The following SMCR8 variants were observed in gnomAD, a reference collection of about 807,000 sequenced individuals.
SMCR8 encodes SMCR8-C9orf72 complex subunit.
Under a neutral mutation model 56.6 loss-of-function variants are expected in SMCR8, and 30 were observed. The ratio of observed to expected loss-of-function variants is 0.53; its 90% CI spans 0.40 to 0.72. The LOEUF is 0.72. SMCR8 is among the 30% of genes least tolerant of loss of function. SMCR8 has a pLI of 0.00. For missense variants in SMCR8, 1,198 were observed against 1,157.0 expected (o/e 1.04, Z -0.51); for synonymous variants, 538 against 456.0 (o/e 1.18, Z -2.29).
chr17:18,317,595 C>T lies in SMCR8; in HGVS notation c.1806C>T (p.Ala602=). The change falls in exon 1 of 2, where the codon GCC becomes GCT. Residue 602 remains alanine (A), a synonymous_variant. Transcript: ENST00000406438. ...AGTTGGTGCTGCCCTCCACTCCAGC[C>T]CACACACACTCTGACGAGGATGGGG... is the stretch of plus-strand genomic sequence containing the variant. ...DGQLVLPSTP[A]HTHSDEDGVV... The T allele has an allele frequency of 1.9e-6, 3 of 1,614,156 alleles. No individual in the cohort carries two copies. The highest frequency in any genetic ancestry group is 1.1e-5 in the South Asian group (1 of 91,082).
Position 18,327,053 on chromosome 17 carries a change from A to G in SMCR8, c.*3983A>G, listed in dbSNP as rs1307771096. The G allele has an allele frequency of 6.6e-6, 1 of 152,526 alleles. No homozygotes were observed. The highest frequency in any genetic ancestry group is 1.5e-5 in the Non-Finnish European group (1 of 68,046). The allele number at this position is 152,526 out of a possible 1,614,324, so 9.4% of individuals were successfully genotyped here. A position where few individuals can be genotyped will look rare whatever the true frequency, so the allele number is the denominator to read the frequency against. On this transcript the variant is annotated 3_prime_UTR_variant, in exon 2 of 2. Coordinates refer to ENST00000406438, the MANE Select transcript of SMCR8 (RefSeq NM_144775.3). The stretch of plus-strand genomic sequence containing the variant: ...CCCCAAAACTGTGATGGAACATAAT[A>G]AAACTGGAGATATGGTTTTTAACAC...
At chr17:18,318,497 G>A (rs112192098) in intron 1 of SMCR8, among the ~76,000 whole-genome samples, 16,573 of 152,118 alleles carry the variant, frequency 0.11, 1,007 homozygotes, top group South Asian at 0.18. Context: ...TCCGCCTCCC[G>A]GGTTCAAGCA....
chr17:18,320,857 A>C (rs1427140100), intron 1 of SMCR8, among the ~76,000 whole-genome samples: 2 of 152,144 alleles, frequency 1.3e-5, no homozygotes, highest in African/African-American at 4.8e-5. Context: ...CAGTCCCTAG[A>C]GCCCACGCTG....
At chr17:18,322,528 C>A in intron 1 of SMCR8, 89 bp from the exon 2 acceptor site, 3 of 1,202,232 alleles carry the variant, frequency 2.5e-6, no homozygotes, top group Admixed American at 1.9e-5. Context: ...TGGATGCTGG[C>A]CTGGGGACAG....
In SMCR8 at chr17:18,317,919, C is replaced by G. The variant is rs1343684964; in HGVS notation, c.2130C>G (p.Ala710=). 6.2e-7 allele frequency: 1 copy of G among 1,614,236 alleles called. No individual in the cohort carries two copies. The highest frequency in any genetic ancestry group is 8.5e-7 in the Non-Finnish European group (1 of 1,180,052). The part of the protein sequence containing the change: ...DRHKKRAGQN[A]LKFIRQYPFA... ...ATAAAAAGAGGGCTGGCCAGAACGC[C>G]TTAAAATTCATCCGCCAGTACCCCT... The change falls in exon 1 of 2, where the codon GCC becomes GCG. Residue 710 remains alanine, a synonymous_variant. Coordinates refer to ENST00000406438, the MANE Select transcript of SMCR8 (RefSeq NM_144775.3).
At chr17:18,318,808 G>A (rs910877313) in intron 1 of SMCR8, among the ~76,000 whole-genome samples, 2 of 152,208 alleles carry the variant, frequency 1.3e-5, no homozygotes, top group Admixed American at 6.5e-5. Context: ...TTGCCAGCCC[G>A]ACTGCAGGGA....
rs190194223 is a variant in SMCR8, at chr17:18,320,356, A to C, written c.2360+2207A>C. On this transcript the variant is annotated intron_variant, in intron 1 of 1. Coordinates refer to ENST00000406438, the MANE Select transcript of SMCR8 (RefSeq NM_144775.3). ...TGAGGAGGAGCTTTATGGAAACAGA[A>C]GTGGAGGAACAGTTAGAATAGCCAG... 1.2e-3 allele frequency among the ~76,000 whole-genome samples: 185 copies of C among 152,332 alleles called. 1 individual carries two copies. The highest frequency in any genetic ancestry group is 4.3e-3 in the African/African-American group (179 of 41,564).
Position 18,317,696 on chromosome 17 carries a change from A to T in SMCR8, c.1907A>T (p.Asn636Ile), listed in dbSNP as rs12449313. 6.2e-7 allele frequency: 1 copy of T among 1,613,830 alleles called. No homozygotes were observed. The highest frequency in any genetic ancestry group is 8.5e-7 in the Non-Finnish European group (1 of 1,179,950). Residue 636 changes from asparagine (N) to isoleucine (I), a missense_variant, in exon 1 of 2, where the codon AAC (asparagine) becomes ATC (isoleucine). Transcript: ENST00000406438. ...FRVDFSVENA[N>I]PSSRDNSCEG... Reference sequence around the variant, plus strand: ...GTAGACTTTTCAGTGGAAAATGCCAACCCTTCTTCCCGAGACAACAGTTGT... The same window carrying T: ...GTAGACTTTTCAGTGGAAAATGCCATCCCTTCTTCCCGAGACAACAGTTGT...
chr17:18,316,631 C>T lies in SMCR8; in HGVS notation c.842C>T (p.Ala281Val), dbSNP rs985938288. 2.5e-6 allele frequency: 4 copies of T among 1,614,070 alleles called. No individual in the cohort carries two copies. The highest frequency in any genetic ancestry group is 2.7e-5 in the African/African-American group (2 of 74,894). Residue 281 changes from alanine (A) to valine (V), a missense_variant, in exon 1 of 2, where the codon GCA (alanine) becomes GTA (valine). Transcript: ENST00000406438. The stretch of plus-strand genomic sequence containing the variant: ...CACATCCAGGATCAGGCCAGCCAGG[C>T]ATCCACTACCTCTAACCCTGATGAG... ...MEHIQDQASQ[A>V]STTSNPDESA... is the part of the protein sequence containing the mutation.
rs748547369 is a variant in SMCR8, at chr17:18,317,329, G to A, written c.1540G>A (p.Glu514Lys). ...AGCAGTCAGCCACAGGACCATCAGCGAGGACAGTATTGAAGTCCTCAGTAC... is the reference window on the plus strand; with the variant it reads ...AGCAGTCAGCCACAGGACCATCAGCAAGGACAGTATTGAAGTCCTCAGTAC... ...SKAVSHRTIS[E>K]DSIEVLSTCP... The change falls in exon 1 of 2, where the codon GAG becomes AAG. Residue 514 changes from glutamate (E) to lysine (K), a missense_variant. Physicochemically the swap from Glu to Lys is moderately conservative, Grantham distance 56. Coordinates refer to ENST00000406438, the MANE Select transcript of SMCR8 (RefSeq NM_144775.3). 4.0e-5 allele frequency: 65 copies of A among 1,614,084 alleles called. No individual in the cohort carries two copies. In the Admixed American group the frequency reaches 4.2e-4, roughly 10 times the overall value.
rs1374284808 is a variant in SMCR8 at position 18,323,292 on chromosome 17, TC to T, written c.*225del. On this transcript the variant is annotated 3_prime_UTR_variant, in exon 2 of 2. Transcript: ENST00000406438. ...AGGGATGGTGACAGCTACATTTGGCTCCCTGGTGAAGAGTGGCCCCTGGATA... is the reference window on the plus strand; with the variant it reads ...AGGGATGGTGACAGCTACATTTGGCTCCTGGTGAAGAGTGGCCCCTGGATA... 3.7e-6 allele frequency: 2 copies of T among 539,434 alleles called. No homozygotes were observed. The highest frequency in any genetic ancestry group is 3.8e-5 in the African/African-American group (2 of 53,030). 33.4% of individuals were successfully genotyped at this position (539,434 alleles called of 1,614,324 possible).
In SMCR8 at chr17:18,322,924, C is replaced by G. The variant is rs774950013; in HGVS notation, c.2668C>G (p.Leu890Val). Reference protein sequence around the residue: ...VASRQMSFLKLTLGLVNEDVR... With the variant: ...VASRQMSFLKVTLGLVNEDVR... Reference sequence around the variant, plus strand: ...CAGCCGCCAGATGAGCTTCCTAAAGCTGACCCTGGGTCTGGTGAATGAGGA... The same window carrying G: ...CAGCCGCCAGATGAGCTTCCTAAAGGTGACCCTGGGTCTGGTGAATGAGGA... The change falls in exon 2 of 2, where the codon CTG becomes GTG. Residue 890 changes from leucine (L) to valine (V), a missense_variant. Transcript: ENST00000406438. 1 of 1,614,238 alleles carries G rather than the reference C, an allele frequency of 6.2e-7. No homozygotes were observed. The highest frequency in any genetic ancestry group is 1.7e-5 in the Admixed American group (1 of 60,024).
In SMCR8 at chr17:18,317,876, G is replaced by A. The variant is rs780785632; in HGVS notation, c.2087G>A (p.Gly696Asp). 6.2e-7 allele frequency: 1 copy of A among 1,614,166 alleles called. No individual in the cohort carries two copies. Among genetic ancestry groups the A allele is most frequent in the South Asian group, 1.1e-5 (1 of 91,084 alleles). ...AGGATCCCCTCTGCTTATCCTGCTG[G>A]CCTGTCTTCCGATAGGCATAAAAAG... Reference protein sequence around the residue: ...SDRIPSAYPAGLSSDRHKKRA... With the variant: ...SDRIPSAYPADLSSDRHKKRA... Residue 696 changes from glycine (G) to aspartate (D), a missense_variant, in exon 1 of 2, where the codon GGC becomes GAC. Gly to Asp is a moderately conservative substitution (Grantham distance 94). Transcript: ENST00000406438.
Position 18,323,179 on chromosome 17 carries a change from C to A in SMCR8, c.*109C>A. On this transcript the variant is annotated 3_prime_UTR_variant, in exon 2 of 2. Coordinates refer to ENST00000406438, the MANE Select transcript of SMCR8 (RefSeq NM_144775.3). Reference sequence around the variant, plus strand: ...GCTGGACTGTTTAAGTTTCTGGTGTCTGGCAGCATGGTTCCCACGTGGCTC... The same window carrying A: ...GCTGGACTGTTTAAGTTTCTGGTGTATGGCAGCATGGTTCCCACGTGGCTC... The A allele has an allele frequency of 2.0e-6, 2 of 977,256 alleles. No homozygotes were observed. Among genetic ancestry groups the A allele is most frequent in the Non-Finnish European group, 1.5e-6 (1 of 661,240 alleles). The allele number at this position is 977,256 out of a possible 1,614,324, so 60.5% of individuals were successfully genotyped here.
intron 1 of SMCR8, among the ~76,000 whole-genome samples, chr17:18,320,172 C>G (rs973638227): frequency 1.2e-4 from 18 of 152,350 alleles, no homozygotes; most frequent in Middle Eastern, 3.4e-3. Flanking sequence ...GGTGACCTTG[C>G]ACAAGCTGCC....
chr17:18,321,102 A>G (rs952695883), intron 1 of SMCR8, among the ~76,000 whole-genome samples: 2 of 152,234 alleles, frequency 1.3e-5, no homozygotes, highest in African/African-American at 4.8e-5. Flanking sequence ...AATGATTGTT[A>G]AATATACAAG....
rs1248048164 is a variant in SMCR8 at position 18,327,517 on chromosome 17, G to C, written c.*4447G>C. ...CCCACAATAAAGCAAACGCCGACAGGCTAGACCCCAGATTGCAGGGGCTGC... is the reference window on the plus strand; with the variant it reads ...CCCACAATAAAGCAAACGCCGACAGCCTAGACCCCAGATTGCAGGGGCTGC... On this transcript the variant is annotated 3_prime_UTR_variant, in exon 2 of 2. Coordinates refer to ENST00000406438, the MANE Select transcript of SMCR8 (RefSeq NM_144775.3). The C allele has an allele frequency of 6.6e-6, 1 of 152,246 alleles. No homozygotes were observed. The highest frequency in any genetic ancestry group is 1.5e-5 in the Non-Finnish European group (1 of 68,044). The allele number at this position is 152,246 out of a possible 1,614,324, so 9.4% of individuals were successfully genotyped here.
chr17:18,315,772 C>T lies in SMCR8; in HGVS notation c.-18C>T, dbSNP rs755703164. On this transcript the variant is annotated 5_prime_UTR_variant, in exon 1 of 2. Transcript: ENST00000406438. The stretch of plus-strand genomic sequence containing the variant: ...CTTTCCCACTTCCTCTCAATGTTTT[C>T]TTCATATATCTGGAAATATGATCAG... 1.5e-5 allele frequency: 23 copies of T among 1,561,052 alleles called. No individual in the cohort carries two copies. Among genetic ancestry groups the T allele is most frequent in the South Asian group, 4.7e-5 (4 of 84,820 alleles).
In SMCR8 at chr17:18,315,392, G is replaced by T. The variant is rs769869104; in HGVS notation, c.-398G>T. The T allele has an allele frequency of 8.3e-5, 14 of 168,730 alleles. No homozygotes were observed. Among genetic ancestry groups the T allele is most frequent in the Admixed American group, 5.7e-5 (1 of 17,486 alleles). 10.5% of individuals were successfully genotyped at this position (168,730 alleles called of 1,614,324 possible). A position where few individuals can be genotyped will look rare whatever the true frequency, so the allele number is the denominator to read the frequency against. On this transcript the variant is annotated 5_prime_UTR_variant, in exon 1 of 2. Coordinates refer to ENST00000406438, the MANE Select transcript of SMCR8 (RefSeq NM_144775.3). ...CCCTCGGGCAGTGAGGGGCAGCAGCGCTTGGCTGACCCCTGCGGCGTCCCG... is the reference window on the plus strand; with the variant it reads ...CCCTCGGGCAGTGAGGGGCAGCAGCTCTTGGCTGACCCCTGCGGCGTCCCG...
Sources: gnomAD v4.1 joint callset for allele counts (sites outside exome capture counted in the v4.1 genomes callset) on GRCh38, gnomAD v4.1.1 for gene constraint, MANE v1.5 for transcripts, NCBI Gene and HGNC (gene_info 2026-07-23, HGNC 2026-07-21) for gene names.